ELOVL5: variants seen among roughly 807,000 people sequenced by gnomAD.
ELOVL5 encodes very long chain fatty acid elongase 5.
Under a neutral mutation model 38.6 loss-of-function variants are expected in ELOVL5, and 8 were observed. That is an observed-to-expected ratio of 0.21 (90% CI 0.12 to 0.37). The LOEUF is 0.37. Among genes scored for constraint, ELOVL5 ranks in the 10% least tolerant of loss-of-function variants. The pLI is 1.00. For synonymous variants in ELOVL5, 127 were observed against 133.7 expected (o/e 0.95, Z 0.34); for missense variants, 280 against 367.8 (o/e 0.76, Z 1.95).
chr6:53,347,028 C>A (rs527618033), intron 1 of ELOVL5, among the ~76,000 whole-genome samples: 27 of 152,254 alleles, frequency 1.8e-4, no homozygotes, highest in Non-Finnish European at 3.5e-4. Context: ...CATGTATAGA[C>A]AAGGAAATTG....
chr6:53,302,384 C>T (rs1020039506), intron 1 of ELOVL5, among the ~76,000 whole-genome samples: 3 of 152,338 alleles, frequency 2.0e-5, no homozygotes, highest in East Asian at 1.9e-4. Context: ...CACCTCCTTT[C>T]CACTTGGCTC....
At chr6:53,339,971 C>T (rs1329493098) in intron 1 of ELOVL5, among the ~76,000 whole-genome samples, 2 of 152,034 alleles carry the variant, frequency 1.3e-5, no homozygotes, top group African/African-American at 4.8e-5. Flanking sequence ...AGATGGAAGA[C>T]GGTGACATTG....
At chr6:53,309,140 G>T (rs115064036) in intron 1 of ELOVL5, among the ~76,000 whole-genome samples, 2,105 of 152,220 alleles carry the variant, frequency 0.014, 63 homozygotes, top group African/African-American at 0.048. Context: ...ACTACCAGGA[G>T]TCAACAGTGG....
intron 1 of ELOVL5, among the ~76,000 whole-genome samples, chr6:53,297,716 T>C (rs756012300): frequency 3.0e-4 from 46 of 152,148 alleles, no homozygotes; most frequent in Non-Finnish European, 5.6e-4. Context: ...ATATATAATA[T>C]AGTGTTTGGT....
chr6:53,300,862 C>G (rs1767221529), intron 1 of ELOVL5, among the ~76,000 whole-genome samples: 1 of 152,216 alleles, frequency 6.6e-6, no homozygotes, highest in African/African-American at 2.4e-5. Context: ...CTTATCTGCT[C>G]ACACTGCTAC....
At chr6:53,344,698 G>A (rs1296347497) in intron 1 of ELOVL5, among the ~76,000 whole-genome samples, 1 of 152,162 alleles carries the variant, frequency 6.6e-6, no homozygotes, top group Non-Finnish European at 1.5e-5. Context: ...CAATAGCTCA[G>A]TAAGAGTTAG....
chr6:53,293,327 A>G (rs1283940823), intron 2 of ELOVL5, among the ~76,000 whole-genome samples: 3 of 151,876 alleles, frequency 2.0e-5, no homozygotes, highest in Non-Finnish European at 4.4e-5. Context: ...TCATTTATTT[A>G]TTTATTCTGA....
At position 53,275,084 on chromosome 6, in the gene ELOVL5, A is replaced by G. The variant is rs1323091231; in HGVS notation, c.496+6T>C. On this transcript the variant is annotated splice_donor_region_variant and intron_variant, in intron 5 of 7. Coordinates refer to ENST00000304434, the MANE Select transcript of ELOVL5 (RefSeq NM_021814.5). ...TGTTCCCCAAGTCCCCGTCTCTAAT[A>G]CTTACAGTGGCCGCAGGGGACCCAG... 2 of 1,613,484 alleles carry G rather than the reference A, an allele frequency of 1.2e-6. No homozygotes were observed. The highest frequency in any genetic ancestry group is 1.7e-5 in the Admixed American group (1 of 59,986).
At chr6:53,318,781 T>C (rs1222547681) in intron 1 of ELOVL5, among the ~76,000 whole-genome samples, 1 of 152,174 alleles carries the variant, frequency 6.6e-6, no homozygotes, top group Non-Finnish European at 1.5e-5. Flanking sequence ...CACATACTCG[T>C]AAGCTTAAAT....
intron 1 of ELOVL5, among the ~76,000 whole-genome samples, chr6:53,328,736 T>G (rs1768656247): frequency 1.4e-5 from 2 of 147,652 alleles, no homozygotes; most frequent in African/African-American, 5.1e-5. Flanking sequence ...TACTGTAATG[T>G]ATAGATAGCA....
At chr6:53,326,121 A>G (rs1181856276) in intron 1 of ELOVL5, among the ~76,000 whole-genome samples, 4 of 152,214 alleles carry the variant, frequency 2.6e-5, no homozygotes, top group Non-Finnish European at 5.9e-5. Flanking sequence ...CAGAAAGGGT[A>G]GGGTATCAGA....
chr6:53,293,311 T>G (rs1472750675), intron 2 of ELOVL5, among the ~76,000 whole-genome samples: 1 of 152,146 alleles, frequency 6.6e-6, no homozygotes, highest in Non-Finnish European at 1.5e-5. Context: ...TTAATTTTTT[T>G]ATTATTCATT....
chr6:53,307,802 C>G (rs1433842333), intron 1 of ELOVL5, among the ~76,000 whole-genome samples: 3 of 152,198 alleles, frequency 2.0e-5, no homozygotes, highest in Non-Finnish European at 4.4e-5. Context: ...AGAAATAAAT[C>G]TGCATCTGAT....
chr6:53,291,739 T>C, intron 3 of ELOVL5, 37 bp downstream of exon 3: 2 of 1,527,578 alleles, frequency 1.3e-6, no homozygotes. Flanking sequence ...ATGAGTGCAT[T>C]TATGTGAAAG....
chr6:53,271,295 T>TA (rs1452973987), intron 6 of ELOVL5, among the ~76,000 whole-genome samples: 1 of 152,028 alleles, frequency 6.6e-6, no homozygotes, highest in Non-Finnish European at 1.5e-5. Context: ...CTCACGCCTG[T>TA]AATTCCAGCA....
intron 1 of ELOVL5, among the ~76,000 whole-genome samples, chr6:53,312,777 C>T (rs1767896490): frequency 6.6e-6 from 1 of 152,196 alleles, no homozygotes; most frequent in South Asian, 2.1e-4. Context: ...ACAAACTAGG[C>T]TGAGCATTTG....
intron 1 of ELOVL5, among the ~76,000 whole-genome samples, chr6:53,319,208 T>G (rs1768185273): frequency 7.5e-6 from 1 of 133,342 alleles, no homozygotes; most frequent in South Asian, 2.3e-4. Flanking sequence ...TAGGCGGAGC[T>G]TGCAGTGAGC....
In ELOVL5 at chr6:53,331,553, A is replaced by ACCTTATG. The variant is rs2127591611; in HGVS notation, c.-9+17263_-9+17264insCATAAGG. On this transcript the variant is annotated intron_variant, in intron 1 of 7. Transcript: ENST00000304434. ...GATGACCCCTACTTCACCAGGCAAGAGGAATTTTTCAGTTCCATTATAATC... is the reference window on the plus strand; with the variant it reads ...GATGACCCCTACTTCACCAGGCAAGACCTTATGGGAATTTTTCAGTTCCATTATAATC... Among the ~76,000 whole-genome samples, 3 of 152,318 alleles carry ACCTTATG rather than the reference A, an allele frequency of 2.0e-5. No individual in the cohort carries two copies. In the South Asian group the frequency reaches 6.2e-4, roughly 32 times the overall value.
intron 1 of ELOVL5, among the ~76,000 whole-genome samples, chr6:53,307,458 G>A (rs980026772): frequency 7.9e-5 from 12 of 152,288 alleles, no homozygotes; most frequent in African/African-American, 2.9e-4. Context: ...AATAGTGTGT[G>A]GCACAGCAAG....
Sources: allele counts gnomAD v4.1 joint callset (sites outside exome capture counted in the v4.1 genomes callset), GRCh38; gene constraint gnomAD v4.1.1; transcripts MANE v1.5; gene names NCBI Gene and HGNC (gene_info 2026-07-23, HGNC 2026-07-21).